MCC: variants seen among roughly 807,000 people sequenced by gnomAD.
MCC encodes the protein MCC regulator of Wnt signaling pathway.
MCC carries 90 observed loss-of-function variants against 116.2 expected under a neutral mutation model. The observed-to-expected ratio is 0.77, with a 90% CI of 0.65 to 0.92. The LOEUF (loss-of-function observed/expected upper bound fraction) is 0.92. Among genes scored for constraint, MCC ranks in the 40% least tolerant of loss-of-function variants. MCC has a pLI of 0.00. For synonymous variants in MCC, 578 were observed against 510.5 expected, an observed-to-expected ratio of 1.13 and a Z score of -1.78; for missense variants, 1,516 against 1,312.2, an observed-to-expected ratio of 1.16 and a Z score of -2.40.
At chr5:113,241,593 C>T (rs1204886200) in intron 3 of MCC, among the ~76,000 whole-genome samples, 1 of 152,216 alleles carries the variant, frequency 6.6e-6, no homozygotes, top group African/African-American at 2.4e-5. Flanking sequence ...TAACCCTTCA[C>T]ACATACAGGA....
chr5:113,488,174 A>G, intron 1 of MCC, 71 bp downstream of exon 1: 1 of 1,445,898 alleles, frequency 6.9e-7, no homozygotes. Context: ...GCGAGGGGGC[A>G]GAGCAGGGGT....
chr5:113,279,432 TA>T (rs57613299), intron 3 of MCC, among the ~76,000 whole-genome samples: 21,217 of 151,408 alleles, frequency 0.14, 2,176 homozygotes, highest in Admixed American at 0.27. Flanking sequence ...ACACTGACAT[TA>T]AAAAAAAATT....
intron 15 of MCC, among the ~76,000 whole-genome samples, chr5:113,049,551 A>C (rs933957280): frequency 1.3e-5 from 2 of 152,240 alleles, no homozygotes; most frequent in African/African-American, 2.4e-5. Context: ...GAAGGGTAGA[A>C]GTTACAGGCA....
At chr5:113,220,418 TGA>T (rs1384563406) in intron 3 of MCC, among the ~76,000 whole-genome samples, 3 of 152,192 alleles carry the variant, frequency 2.0e-5, no homozygotes, top group Admixed American at 1.3e-4. Context: ...ATAGATCAAT[TGA>T]GAGAATTTAT....
At chr5:113,488,201 G>T (rs768997290) in intron 1 of MCC, 44 bp downstream of exon 1, 1 of 1,572,428 alleles carries the variant, frequency 6.4e-7, no homozygotes, top group Non-Finnish European at 8.6e-7. Flanking sequence ...CGCGCGGAGG[G>T]ACTGATCTCG....
intron 2 of MCC, among the ~76,000 whole-genome samples, chr5:113,372,032 A>G (rs184501007): frequency 2.6e-5 from 4 of 152,350 alleles, no homozygotes; most frequent in South Asian, 2.1e-4. Flanking sequence ...ATCCCATAAA[A>G]ACAATGACAC....
intron 3 of MCC, among the ~76,000 whole-genome samples, chr5:113,281,798 T>C (rs1326889448): frequency 6.6e-6 from 1 of 152,284 alleles, no homozygotes; most frequent in Admixed American, 6.5e-5. Context: ...TCATGACATA[T>C]TGGTCTACAC....
At chr5:113,329,490 A>G (rs1767647013) in intron 3 of MCC, among the ~76,000 whole-genome samples, 1 of 75,472 alleles carries the variant, frequency 1.3e-5, no homozygotes, top group Non-Finnish European at 2.6e-5. Flanking sequence ...ACACACACAT[A>G]TATAAACACA....
chr5:113,256,823 C>T (rs1170642476), intron 3 of MCC, among the ~76,000 whole-genome samples: 1 of 152,138 alleles, frequency 6.6e-6, no homozygotes, highest in African/African-American at 2.4e-5. Flanking sequence ...TGGGTTAATG[C>T]CAATTTTTGC....
chr5:113,207,613 G>A (rs1182030605), intron 3 of MCC, among the ~76,000 whole-genome samples: 1 of 152,138 alleles, frequency 6.6e-6, no homozygotes, highest in African/African-American at 2.4e-5. Context: ...AGTGAGCCCA[G>A]CACTTTACAA....
At chr5:113,067,801 C>T (rs1476878372) in intron 13 of MCC, among the ~76,000 whole-genome samples, 1 of 152,258 alleles carries the variant, frequency 6.6e-6, no homozygotes, top group African/African-American at 2.4e-5. Context: ...ATCGCTGATG[C>T]GGCCTCAGCT....
At chr5:113,126,530 G>A (rs940010354) in intron 5 of MCC, among the ~76,000 whole-genome samples, 24 of 152,162 alleles carry the variant, frequency 1.6e-4, no homozygotes, top group Non-Finnish European at 2.8e-4. Context: ...ACAATTTTCT[G>A]GAAATTTGTG....
At chr5:113,382,004 C>T (rs1005313218) in intron 2 of MCC, among the ~76,000 whole-genome samples, 1 of 152,104 alleles carries the variant, frequency 6.6e-6, no homozygotes, top group Non-Finnish European at 1.5e-5. Context: ...TAGATGTGGG[C>T]AGAAAAGGAA....
At position 113,131,375 on chromosome 5, in the gene MCC, G is replaced by A. The variant is rs148700392; in HGVS notation, c.885-8549C>T. On this transcript the variant is annotated intron_variant, in intron 5 of 18. Coordinates refer to ENST00000408903, the MANE Select transcript of MCC (RefSeq NM_001085377.2). The stretch of plus-strand genomic sequence containing the variant: ...AGCCACCCATAACAGTTAAGAGAAA[G>A]AGCACATATTACAAAACAGTGCGTG... Among the ~76,000 whole-genome samples, 5 of 152,140 alleles carry A rather than the reference G, an allele frequency of 3.3e-5. No homozygotes were observed. In the East Asian group the frequency reaches 9.6e-4, roughly 29 times the overall value.
intron 3 of MCC, among the ~76,000 whole-genome samples, chr5:113,212,175 T>C (rs1763158529): frequency 6.6e-6 from 1 of 152,224 alleles, no homozygotes. Flanking sequence ...GTAAATAAAA[T>C]TATGTTGGTA....
intron 1 of MCC, among the ~76,000 whole-genome samples, chr5:113,463,423 G>C (rs577452266): frequency 1.3e-5 from 2 of 152,184 alleles, no homozygotes; most frequent in Non-Finnish European, 2.9e-5. Flanking sequence ...TCATAAGGGA[G>C]ATGGAAAGAA....
chr5:113,412,647 C>T (rs548706320), intron 1 of MCC, among the ~76,000 whole-genome samples: 2 of 152,318 alleles, frequency 1.3e-5, no homozygotes, highest in African/African-American at 2.4e-5. Context: ...GCTGAAGTTG[C>T]TTATCAGCTA....
intron 4 of MCC, among the ~76,000 whole-genome samples, chr5:113,148,342 C>CTTT (rs1259721606): frequency 6.6e-6 from 1 of 150,644 alleles, no homozygotes; most frequent in African/African-American, 2.4e-5. Context: ...GGGCTCTTCC[C>CTTT]TTCATATCAC....
intron 1 of MCC, among the ~76,000 whole-genome samples, chr5:113,451,934 C>T (rs948970463): frequency 1.3e-5 from 2 of 152,170 alleles, no homozygotes; most frequent in African/African-American, 2.4e-5. Context: ...TACATCATGT[C>T]CAACTGGGAG....
Sources: allele counts gnomAD v4.1 joint callset (sites outside exome capture counted in the v4.1 genomes callset), GRCh38; gene constraint gnomAD v4.1.1; transcripts MANE v1.5; gene names NCBI Gene and HGNC (gene_info 2026-07-23, HGNC 2026-07-21).